Variants in ACLY observed in about 807,000 individuals in gnomAD.
The protein encoded by ACLY is ATP-citrate synthase.
ACLY carries 41 observed loss-of-function variants against 133.0 expected under a neutral mutation model. That is an observed-to-expected ratio of 0.31 (90% confidence interval 0.24 to 0.40). ACLY has a LOEUF of 0.40. Ranked by LOEUF, ACLY falls within the 10% of genes least tolerant of loss-of-function variation. The probability of loss-of-function intolerance (pLI) is 1.00; values close to 1 mark genes in which losing one functional copy is unlikely to be tolerated. For missense variants in ACLY, 1,046 were observed against 1,453.8 expected, an observed-to-expected ratio of 0.72 and a Z score of 4.56; for synonymous variants, 495 against 549.3, an observed-to-expected ratio of 0.90 and a Z score of 1.38.
At chr17:41,925,213 C>T (rs569460985) in intron 1 of ACLY, among the ~76,000 whole-genome samples, 2 of 151,318 alleles carry the variant, frequency 1.3e-5, no homozygotes, top group African/African-American at 2.4e-5. Flanking sequence ...GGAGGTTCAG[C>T]GAGCCGAGAT....
chr17:41,877,462 T>A lies in ACLY; in HGVS notation c.2487+641A>T, dbSNP rs1482257984. Reference sequence around the variant, plus strand: ...CCAGCCCTTTTTTTTTTTTTTTTTTTAAATTACAGACAGGGTCTCACTCTG... The same window carrying A: ...CCAGCCCTTTTTTTTTTTTTTTTTTAAAATTACAGACAGGGTCTCACTCTG... On this transcript the variant is annotated intron_variant, in intron 22 of 28. Coordinates refer to ENST00000352035, the MANE Select transcript of ACLY (RefSeq NM_001096.3). Among the ~76,000 whole-genome samples, 396 of 149,466 alleles carry A rather than the reference T, an allele frequency of 2.6e-3. 4 individuals are homozygous for A. The highest frequency in any genetic ancestry group is 9.2e-3 in the African/African-American group (375 of 40,696).
chr17:41,871,927 G>C, intron 24 of ACLY, 95 bp from the exon 25 acceptor site: 6 of 1,593,826 alleles, frequency 3.8e-6, no homozygotes, highest in Non-Finnish European at 5.1e-6. Flanking sequence ...CCTGAGCACT[G>C]GGTTTTACAC....
At chr17:41,875,459 C>G (rs1355777842) in intron 22 of ACLY, among the ~76,000 whole-genome samples, 4 of 152,140 alleles carry the variant, frequency 2.6e-5, no homozygotes, top group East Asian at 1.9e-4. Context: ...CGGTCTCCCT[C>G]TCCCTCTCCC....
chr17:41,909,132 C>T (rs942517055), intron 5 of ACLY, 64 bp from the exon 6 acceptor site: 35 of 1,281,700 alleles, frequency 2.7e-5, no homozygotes, highest in Middle Eastern at 5.1e-4. Context: ...GCACCCCAGG[C>T]GCCCCGCAGC....
intron 16 of ACLY, among the ~76,000 whole-genome samples, chr17:41,888,328 T>A (rs1567895662): frequency 6.6e-6 from 1 of 152,160 alleles, no homozygotes; most frequent in Non-Finnish European, 1.5e-5. Context: ...TCATAGCAGC[T>A]ACGTTCACTC....
intron 25 of ACLY, among the ~76,000 whole-genome samples, chr17:41,871,315 C>T (rs1187109266): frequency 1.3e-5 from 2 of 151,936 alleles, no homozygotes; most frequent in African/African-American, 4.8e-5. Context: ...AAATTAATGC[C>T]CCCACTATCA....
intron 16 of ACLY, among the ~76,000 whole-genome samples, chr17:41,889,066 C>T (rs1338869458): frequency 5.3e-5 from 8 of 150,620 alleles, no homozygotes; most frequent in Admixed American, 1.3e-4. Flanking sequence ...TGCGGTGAGC[C>T]GAGATCACAC....
At position 41,913,902 on chromosome 17, in the gene ACLY, T is replaced by G; in HGVS notation, c.-23-6A>C. The G allele has an allele frequency of 6.2e-7, 1 of 1,613,858 alleles. No individual in the cohort carries two copies. Among genetic ancestry groups the G allele is most frequent in the Non-Finnish European group, 8.5e-7 (1 of 1,179,782 alleles). On this transcript the variant is annotated splice_region_variant and splice_polypyrimidine_tract_variant and intron_variant, in intron 1 of 28. Coordinates refer to ENST00000352035, the MANE Select transcript of ACLY (RefSeq NM_001096.3). ...TGCAGAGAGACCTGCTCTACCTGTC[T>G]GGGAGAGAGAAGCTGGTCAGAAGGG...
intron 11 of ACLY, among the ~76,000 whole-genome samples, chr17:41,899,658 G>C (rs1407078861): frequency 1.3e-5 from 2 of 152,068 alleles, no homozygotes; most frequent in East Asian, 3.9e-4. Flanking sequence ...TTTACTTGTG[G>C]AATGTTCTAA....
chr17:41,879,647 CAAAAAAAAAAAAAAAAAAAAAAAAAAA>C (rs558056100), intron 20 of ACLY, among the ~76,000 whole-genome samples: 5,067 of 34,358 alleles, frequency 0.15, 346 homozygotes, highest in Admixed American at 0.24. Flanking sequence ...GACTCCGTCT[CAAAAAAAAAAAAAAAAAAAAAAAAAAA>C]AAAAAAAAAA....
chr17:41,900,373 A>T (rs2049502912), intron 11 of ACLY, among the ~76,000 whole-genome samples: 2 of 30,976 alleles, frequency 6.5e-5, no homozygotes, highest in Admixed American at 1.0e-3. Flanking sequence ...AAAATAAAAA[A>T]AAAAGAAAAA....
chr17:41,891,789 G>A (rs1598004373), intron 16 of ACLY, among the ~76,000 whole-genome samples: 1 of 152,098 alleles, frequency 6.6e-6, no homozygotes, highest in African/African-American at 2.4e-5. Flanking sequence ...TTGAACTCCT[G>A]GGTGATCAAT....
intron 23 of ACLY, among the ~76,000 whole-genome samples, chr17:41,872,874 G>A (rs1347301551): frequency 1.3e-5 from 2 of 152,178 alleles, no homozygotes; most frequent in Non-Finnish European, 2.9e-5. Flanking sequence ...TGGGAGGCAG[G>A]AGCAGACAGA....
At chr17:41,873,568 T>A (rs1304610220) in intron 23 of ACLY, among the ~76,000 whole-genome samples, 1 of 152,212 alleles carries the variant, frequency 6.6e-6, no homozygotes, top group Non-Finnish European at 1.5e-5. Flanking sequence ...CTGCCTAACC[T>A]CTATCTTGCT....
chr17:41,918,071 A>G (rs1389529979), intron 1 of ACLY, among the ~76,000 whole-genome samples: 2 of 152,226 alleles, frequency 1.3e-5, no homozygotes, highest in Admixed American at 6.5e-5. Flanking sequence ...GTATCTGCCA[A>G]GGTTGGAGAC....
At chr17:41,914,428 T>C (rs962917707) in intron 1 of ACLY, among the ~76,000 whole-genome samples, 2 of 152,102 alleles carry the variant, frequency 1.3e-5, no homozygotes, top group Admixed American at 1.3e-4. Context: ...TACACACCCT[T>C]ACACACCACC....
intron 20 of ACLY, among the ~76,000 whole-genome samples, chr17:41,882,528 G>A (rs868939840): frequency 5.9e-5 from 9 of 151,962 alleles, no homozygotes; most frequent in Middle Eastern, 6.8e-3. Context: ...TCTCTAAGCC[G>A]AAGCACAGGG....
chr17:41,915,727 C>G (rs548057433), intron 1 of ACLY, among the ~76,000 whole-genome samples: 4 of 152,248 alleles, frequency 2.6e-5, no homozygotes, highest in African/African-American at 7.2e-5. Context: ...CTCCACCCCC[C>G]ACCCACTGCT....
intron 25 of ACLY, among the ~76,000 whole-genome samples, chr17:41,870,110 A>G (rs551153181): frequency 3.3e-5 from 5 of 152,340 alleles, no homozygotes; most frequent in African/African-American, 1.2e-4. Context: ...AAGATGATCT[A>G]GGGACATACC....
Sources: allele counts gnomAD v4.1 joint callset (sites outside exome capture counted in the v4.1 genomes callset), GRCh38; gene constraint gnomAD v4.1.1; transcripts MANE v1.5; gene names NCBI Gene and HGNC (gene_info 2026-07-23, HGNC 2026-07-21).